HHLA2: variants seen among roughly 807,000 people sequenced by gnomAD.
HHLA2 encodes the protein HERV-H LTR-associating protein 2.
A neutral mutation model predicts 45.9 loss-of-function variants in HHLA2; 48 were observed. The observed-to-expected ratio is 1.05, with a 90% CI of 0.83 to 1.33. The LOEUF (loss-of-function observed/expected upper bound fraction) is 1.33, where lower values mean the gene tolerates loss of function less well. Ranked by LOEUF, HHLA2 falls within the 40% of genes most tolerant of loss-of-function variation. The pLI, the probability that HHLA2 is intolerant of heterozygous loss-of-function variation, is 0.00. For missense variants in HHLA2, 462 were observed against 494.3 expected (o/e 0.93, Z 0.62); for synonymous variants, 161 against 173.9 (o/e 0.93, Z 0.59).
chr3:108,318,787 C>A (rs2081146913), intron 2 of HHLA2, among the ~76,000 whole-genome samples: 2 of 152,212 alleles, frequency 1.3e-5, no homozygotes, highest in Admixed American at 6.5e-5. Context: ...CTGCTTCTTA[C>A]AACCTACTTT....
intron 2 of HHLA2, among the ~76,000 whole-genome samples, chr3:108,317,151 C>T (rs1361330480): frequency 2.6e-5 from 4 of 152,152 alleles, no homozygotes; most frequent in African/African-American, 4.8e-5. Flanking sequence ...AGAAGGGGAA[C>T]CTTTTGTCTT....
intron 3 of HHLA2, among the ~76,000 whole-genome samples, chr3:108,336,458 A>T (rs952001430): frequency 2.6e-5 from 4 of 152,168 alleles, no homozygotes; most frequent in African/African-American, 9.7e-5. Context: ...TCTTAGGGTG[A>T]CCCATCTCTT....
chr3:108,300,225 G>A (rs1001530954), intron 1 of HHLA2, among the ~76,000 whole-genome samples: 4 of 152,114 alleles, frequency 2.6e-5, no homozygotes, highest in African/African-American at 4.8e-5. Context: ...AGATGAGTAA[G>A]CAAGCGTCCT....
chr3:108,316,455 T>TA (rs1374686872), intron 2 of HHLA2, among the ~76,000 whole-genome samples: 2 of 152,224 alleles, frequency 1.3e-5, no homozygotes, highest in Non-Finnish European at 2.9e-5. Context: ...TAAATTTGCT[T>TA]AAATGTCTCT....
intron 8 of HHLA2, among the ~76,000 whole-genome samples, chr3:108,368,696 T>A (rs965793504): frequency 6.6e-6 from 1 of 151,898 alleles, no homozygotes; most frequent in African/African-American, 2.4e-5. Context: ...CCTAAATATA[T>A]ATGCACCCAA....
At chr3:108,323,472 A>G (rs556594109) in intron 2 of HHLA2, among the ~76,000 whole-genome samples, 1 of 152,280 alleles carries the variant, frequency 6.6e-6, no homozygotes, top group South Asian at 2.1e-4. Flanking sequence ...TGAGTTAAGG[A>G]GATAAGAAAC....
chr3:108,312,630 G>T (rs2107316605), intron 2 of HHLA2, among the ~76,000 whole-genome samples: 1 of 152,350 alleles, frequency 6.6e-6, no homozygotes, highest in African/African-American at 2.4e-5. Flanking sequence ...GCAAGGGTGA[G>T]CAAGTCTGTG....
At position 108,357,901 on chromosome 3, in the gene HHLA2, AT is replaced by A; in HGVS notation, c.745del (p.Tyr249IlefsTer15). The A allele has an allele frequency of 6.2e-7, 1 of 1,613,850 alleles. No homozygotes were observed. ...TCACTCTCATGTCAACCTGTAAATGATTATTTTTCACCAAACCAAGACTTCA... is the reference window on the plus strand; with the variant it reads ...TCACTCTCATGTCAACCTGTAAATGATATTTTTCACCAAACCAAGACTTCA... On this transcript the variant is annotated frameshift_variant, in exon 7 of 11. Coordinates refer to ENST00000619531, the Ensembl canonical transcript of HHLA2. LOFTEE classifies it high-confidence loss of function.
intron 8 of HHLA2, among the ~76,000 whole-genome samples, chr3:108,362,881 G>T (rs2082004508): frequency 6.6e-6 from 1 of 152,104 alleles, no homozygotes; most frequent in Non-Finnish European, 1.5e-5. Flanking sequence ...GTTGCCTTTG[G>T]AGTGATAGGA....
At chr3:108,346,992 C>T (rs149392938) in intron 3 of HHLA2, among the ~76,000 whole-genome samples, 2 of 152,290 alleles carry the variant, frequency 1.3e-5, no homozygotes, top group African/African-American at 4.8e-5. Context: ...CTCTCTCTGC[C>T]TTTCTCCCTC....
At chr3:108,317,892 G>T (rs1260819070) in intron 2 of HHLA2, among the ~76,000 whole-genome samples, 1 of 151,864 alleles carries the variant, frequency 6.6e-6, no homozygotes, top group Admixed American at 6.6e-5. Flanking sequence ...ACTTATTAAA[G>T]AAAATATTGT....
chr3:108,375,239 A>T (rs911477402), intron 8 of HHLA2, among the ~76,000 whole-genome samples: 2 of 151,786 alleles, frequency 1.3e-5, no homozygotes, highest in African/African-American at 2.4e-5. Context: ...ACAAAAAACC[A>T]AACACGGCAT....
At chr3:108,342,296 T>C (rs1402458445) in intron 3 of HHLA2, among the ~76,000 whole-genome samples, 7 of 141,700 alleles carry the variant, frequency 4.9e-5, no homozygotes, top group Non-Finnish European at 1.1e-4. Flanking sequence ...GGAGTTTTAC[T>C]CTCGTCACCC....
At chr3:108,312,295 C>A (rs1194485656) in intron 2 of HHLA2, among the ~76,000 whole-genome samples, 1 of 152,222 alleles carries the variant, frequency 6.6e-6, no homozygotes, top group Admixed American at 6.5e-5. Flanking sequence ...CCCATGTGGC[C>A]AATTTTCTGT....
chr3:108,328,288 C>A lies in HHLA2; in HGVS notation c.-86C>A, dbSNP rs1033417287. ...CACACAGCATGTAGGAGAATACTAA[C>A]CCTGCACAGATTGTGATGGTGATGT... On this transcript the variant is annotated 5_prime_UTR_variant, in exon 3 of 11. Coordinates refer to ENST00000619531, the Ensembl canonical transcript of HHLA2. 5.2e-6 allele frequency: 8 copies of A among 1,524,760 alleles called. No homozygotes were observed. In the Admixed American group the frequency reaches 1.6e-4, roughly 31 times the overall value. 94.5% of individuals were successfully genotyped at this position (1,524,760 alleles called of 1,614,324 possible). A position where few individuals can be genotyped will look rare whatever the true frequency, so the allele number is the denominator to read the frequency against.
rs552280640 is a variant in HHLA2 at position 108,348,317 on chromosome 3, G to A, written c.-26-3471G>A. ...AGTCAATTACATTAAATGCTGCTAC[G>A]AGGTTGAGTTAGATGAGGACAAATA... is the stretch of plus-strand genomic sequence containing the variant. On this transcript the variant is annotated intron_variant, in intron 3 of 10. Transcript: ENST00000619531. Among the ~76,000 whole-genome samples the A allele has an allele frequency of 3.3e-5, 5 of 152,242 alleles. No homozygotes were observed. In the East Asian group the frequency reaches 5.8e-4, roughly 18 times the overall value.
chr3:108,310,879 C>G (rs1420005322), intron 2 of HHLA2, 138 bp downstream of exon 2: 1 of 152,478 alleles, frequency 6.6e-6, no homozygotes, highest in Non-Finnish European at 1.5e-5. Context: ...TGCAGATATT[C>G]CTACACAAAA....
In HHLA2 at chr3:108,351,885, C is replaced by A; in HGVS notation, c.64+8C>A. 6.3e-7 allele frequency: 1 copy of A among 1,580,774 alleles called. No homozygotes were observed. The highest frequency in any genetic ancestry group is 1.1e-5 in the South Asian group (1 of 89,910). On this transcript the variant is annotated splice_region_variant and intron_variant, in intron 4 of 10. Coordinates refer to ENST00000619531, the Ensembl canonical transcript of HHLA2. ...CTCTGAGTGGATCTCAAGGTAATTTCGTTTGTAATACAAGTGTTAGTTATT... is the reference window on the plus strand; with the variant it reads ...CTCTGAGTGGATCTCAAGGTAATTTAGTTTGTAATACAAGTGTTAGTTATT...
chr3:108,304,106 T>C (rs75665012), intron 1 of HHLA2, among the ~76,000 whole-genome samples: 9,471 of 152,224 alleles, frequency 0.062, 432 homozygotes, highest in East Asian at 0.23. Flanking sequence ...GTGGCTTCTC[T>C]CTGTTCAATG....
Sources: gnomAD v4.1 joint callset for allele counts (sites outside exome capture counted in the v4.1 genomes callset) on GRCh38, gnomAD v4.1.1 for gene constraint, MANE v1.5 for transcripts, NCBI Gene and HGNC (gene_info 2026-07-23, HGNC 2026-07-21) for gene names.